DPP10: variants seen among roughly 807,000 people sequenced by gnomAD.
DPP10 encodes inactive dipeptidyl peptidase 10.
A neutral mutation model predicts 120.9 loss-of-function variants in DPP10; 33 were observed. The observed-to-expected ratio is 0.27, with a 90% CI of 0.21 to 0.37. The LOEUF is 0.37. Among genes scored for constraint, DPP10 ranks in the 10% least tolerant of loss-of-function variants. The pLI is 1.00. For synonymous variants in DPP10, 337 were observed against 326.1 expected, an observed-to-expected ratio of 1.03 and a Z score of -0.36; for missense variants, 816 against 942.8, an observed-to-expected ratio of 0.87 and a Z score of 1.76.
At chr2:115,156,719 G>A (rs1353247034) in intron 1 of DPP10, among the ~76,000 whole-genome samples, 6 of 152,144 alleles carry the variant, frequency 3.9e-5, no homozygotes, top group Non-Finnish European at 8.8e-5. Context: ...TCTTGTCTTG[G>A]TTATGGAAAC....
chr2:114,722,190 G>A (rs1701740949), intron 1 of DPP10, among the ~76,000 whole-genome samples: 1 of 152,026 alleles, frequency 6.6e-6, no homozygotes, highest in South Asian at 2.1e-4. Flanking sequence ...AAACCAAGAA[G>A]AAAATGTATA....
chr2:115,699,603 T>C (rs575624806), intron 7 of DPP10, among the ~76,000 whole-genome samples: 13 of 152,288 alleles, frequency 8.5e-5, no homozygotes, highest in Admixed American at 3.3e-4. Context: ...AGTGAGACTT[T>C]GTCTCAAAAA....
intron 7 of DPP10, among the ~76,000 whole-genome samples, chr2:115,690,275 A>T (rs1437605551): frequency 1.3e-5 from 2 of 152,278 alleles, no homozygotes; most frequent in African/African-American, 4.8e-5. Context: ...TTTTTCTTAA[A>T]GCATTGTTCA....
At chr2:115,777,083 C>A in intron 13 of DPP10, 125 bp from the exon 14 acceptor site, 2 of 784,410 alleles carry the variant, frequency 2.5e-6, no homozygotes, top group Non-Finnish European at 4.1e-6. Context: ...AGCTGTGGAA[C>A]AGAAAACTGA....
chr2:115,318,128 A>G (rs1285337590), intron 2 of DPP10, among the ~76,000 whole-genome samples: 1 of 151,796 alleles, frequency 6.6e-6, no homozygotes, highest in African/African-American at 2.4e-5. Context: ...TTATGGTGTG[A>G]GTTAGGGAGT....
chr2:115,230,297 T>A (rs1406869492), intron 1 of DPP10, among the ~76,000 whole-genome samples: 2 of 152,058 alleles, frequency 1.3e-5, no homozygotes, highest in African/African-American at 4.8e-5. Flanking sequence ...CTGAATTTGT[T>A]TATTAGTTTG....
At chr2:114,989,505 G>A (rs1574643968) in intron 1 of DPP10, among the ~76,000 whole-genome samples, 1 of 152,184 alleles carries the variant, frequency 6.6e-6, no homozygotes, top group Non-Finnish European at 1.5e-5. Context: ...GTTGCAGCAA[G>A]TTGTAAAGGT....
intron 1 of DPP10, among the ~76,000 whole-genome samples, chr2:115,133,178 G>GT (rs547453162): frequency 0.14 from 8,836 of 61,850 alleles, 645 homozygotes; most frequent in East Asian, 0.3. Context: ...TATATATATA[G>GT]TTTTTTTTTT....
chr2:115,203,185 G>A (rs1027856045), intron 1 of DPP10, among the ~76,000 whole-genome samples: 9 of 152,150 alleles, frequency 5.9e-5, no homozygotes, highest in Admixed American at 1.3e-4. Flanking sequence ...TTCAACTGCC[G>A]TGTCCAAGAC....
At chr2:115,022,463 A>T (rs1238861478) in intron 1 of DPP10, among the ~76,000 whole-genome samples, 1 of 151,660 alleles carries the variant, frequency 6.6e-6, no homozygotes, top group Non-Finnish European at 1.5e-5. Context: ...CAAGGACGTG[A>T]AAGAACAACA....
Position 115,578,112 on chromosome 2 carries a change from AG to A in DPP10, c.441+52141del, listed in dbSNP as rs2081791090. Among the ~76,000 whole-genome samples the A allele has an allele frequency of 4.6e-5, 7 of 152,314 alleles. No individual in the cohort carries two copies. The South Asian group carries it at 1.4e-3, about 32-fold the overall frequency. Reference sequence around the variant, plus strand: ...AAAGTCACCACTTCTCAGAAACAAAAGCAAGCTGGCAGCCTTGCTCCACTGT... The same window carrying A: ...AAAGTCACCACTTCTCAGAAACAAAACAAGCTGGCAGCCTTGCTCCACTGT... On this transcript the variant is annotated intron_variant, in intron 5 of 25. Transcript: ENST00000410059.
At chr2:114,493,203 T>C (rs1682158254) in intron 1 of DPP10, among the ~76,000 whole-genome samples, 1 of 152,144 alleles carries the variant, frequency 6.6e-6, no homozygotes, top group African/African-American at 2.4e-5. Flanking sequence ...TGGGCACAAA[T>C]TGCCCAGTTT....
chr2:115,483,948 ATTTC>A (rs1195275192), intron 3 of DPP10, among the ~76,000 whole-genome samples: 1 of 152,020 alleles, frequency 6.6e-6, no homozygotes, highest in Non-Finnish European at 1.5e-5. Context: ...AAAAGCACAC[ATTTC>A]TCCTGGCAAG....
intron 1 of DPP10, among the ~76,000 whole-genome samples, chr2:114,908,391 C>G (rs976617506): frequency 2.0e-4 from 30 of 151,864 alleles, no homozygotes; most frequent in Non-Finnish European, 3.7e-4. Context: ...CTCTGTTCCC[C>G]CATACTATTT....
intron 1 of DPP10, among the ~76,000 whole-genome samples, chr2:114,547,973 G>A (rs1687557054): frequency 6.6e-6 from 1 of 152,120 alleles, no homozygotes; most frequent in African/African-American, 2.4e-5. Flanking sequence ...TCTTCTGATA[G>A]AAAAAGGACC....
chr2:115,702,453 G>T (rs2091930520), intron 7 of DPP10, among the ~76,000 whole-genome samples: 1 of 151,998 alleles, frequency 6.6e-6, no homozygotes, highest in South Asian at 2.1e-4. Flanking sequence ...GCCAACAAAT[G>T]AATGGATAAA....
intron 1 of DPP10, among the ~76,000 whole-genome samples, chr2:115,053,914 T>C (rs902202625): frequency 6.6e-6 from 1 of 152,188 alleles, no homozygotes; most frequent in Non-Finnish European, 1.5e-5. Flanking sequence ...CTTATTGACT[T>C]ACAAATAATG....
intron 1 of DPP10, among the ~76,000 whole-genome samples, chr2:114,497,089 ATGTACATG>A (rs1239411829): frequency 6.7e-6 from 1 of 150,216 alleles, no homozygotes; most frequent in African/African-American, 2.4e-5. Flanking sequence ...ATACATGTAC[ATGTACATG>A]TGTACATGTA....
chr2:115,016,819 A>G (rs181908153), intron 1 of DPP10, among the ~76,000 whole-genome samples: 6 of 152,280 alleles, frequency 3.9e-5, no homozygotes, highest in African/African-American at 1.4e-4. Flanking sequence ...AATGTCCAAC[A>G]ATGATAGACT....
Sources: allele counts gnomAD v4.1 joint callset (sites outside exome capture counted in the v4.1 genomes callset), GRCh38; gene constraint gnomAD v4.1.1; transcripts MANE v1.5; gene names NCBI Gene and HGNC (gene_info 2026-07-23, HGNC 2026-07-21).